Variants in PPP3CB observed in about 807,000 individuals in gnomAD.
PPP3CB encodes serine/threonine-protein phosphatase 2B catalytic subunit beta isoform.
Under a neutral mutation model 66.4 loss-of-function variants are expected in PPP3CB, and 8 were observed. The ratio of observed to expected loss-of-function variants is 0.12; its 90% CI spans 0.07 to 0.22. The LOEUF (loss-of-function observed/expected upper bound fraction) is 0.22, where lower values mean the gene tolerates loss of function less well. Among genes scored for constraint, PPP3CB ranks in the 10% least tolerant of loss-of-function variants. The probability of loss-of-function intolerance (pLI) is 1.00; values close to 1 mark genes in which losing one functional copy is unlikely to be tolerated. For synonymous variants in PPP3CB, 208 were observed against 221.2 expected (o/e 0.94, Z 0.53); for missense variants, 319 against 642.5 (o/e 0.50, Z 5.44).
At chr10:73,471,747 A>T in intron 4 of PPP3CB, 134 bp from the exon 5 acceptor site, 1 of 692,188 alleles carries the variant, frequency 1.4e-6, no homozygotes, top group Non-Finnish European at 2.3e-6. Context: ...AATGAAATTG[A>T]GATAGTTACA....
At position 73,439,915 on chromosome 10, in the gene PPP3CB, A is replaced by G. The variant is rs767386527; in HGVS notation, c.1367-14T>C. On this transcript the variant is annotated splice_polypyrimidine_tract_variant and intron_variant, in intron 12 of 13. Transcript: ENST00000360663. ...CCTCAACTGTGGCTGTACAGAAGTG[A>G]GCAGAGGCATGCAAAATGAATGAGA... 2 of 1,612,286 alleles carry G rather than the reference A, an allele frequency of 1.2e-6. No individual in the cohort carries two copies. The highest frequency in any genetic ancestry group is 8.5e-7 in the Non-Finnish European group (1 of 1,178,406).
chr10:73,443,951 C>T (rs1292331709), intron 12 of PPP3CB: 2 of 152,240 alleles, frequency 1.3e-5, no homozygotes, highest in African/African-American at 4.8e-5. Flanking sequence ...GCAACAAATG[C>T]AGCAAACCTC....
intron 1 of PPP3CB, among the ~76,000 whole-genome samples, chr10:73,483,030 C>T (rs2056907930): frequency 6.6e-6 from 1 of 152,174 alleles, no homozygotes; most frequent in Non-Finnish European, 1.5e-5. Context: ...CCTACTTCCC[C>T]CTCAGCCAGA....
chr10:73,445,983 G>T (rs529278831), intron 11 of PPP3CB, among the ~76,000 whole-genome samples: 1 of 151,774 alleles, frequency 6.6e-6, no homozygotes, highest in Non-Finnish European at 1.5e-5. Context: ...TCTTGACCTC[G>T]TGATCCACCT....
At chr10:73,485,182 G>A (rs1176466744) in intron 1 of PPP3CB, among the ~76,000 whole-genome samples, 1 of 152,170 alleles carries the variant, frequency 6.6e-6, no homozygotes, top group Non-Finnish European at 1.5e-5. Flanking sequence ...ATTTTGACAT[G>A]AAGGGCATCT....
At chr10:73,477,355 T>G (rs2056807593) in intron 3 of PPP3CB, 1 of 442,472 alleles carries the variant, frequency 2.3e-6, no homozygotes, top group Non-Finnish European at 4.3e-6. Context: ...AAGCATCATT[T>G]GTAAAGAAAA....
chr10:73,474,105 C>T (rs1484322668), intron 4 of PPP3CB, among the ~76,000 whole-genome samples: 2 of 151,980 alleles, frequency 1.3e-5, no homozygotes, highest in East Asian at 1.9e-4. Flanking sequence ...TACAATGGCG[C>T]GATCTCGGCT....
At chr10:73,453,581 A>G (rs138732728) in intron 10 of PPP3CB, among the ~76,000 whole-genome samples, 36 of 152,294 alleles carry the variant, frequency 2.4e-4, no homozygotes, top group African/African-American at 7.9e-4. Context: ...TAGTTTATCA[A>G]TGGACTTAGA....
intron 8 of PPP3CB, among the ~76,000 whole-genome samples, chr10:73,470,291 A>C (rs759535361): frequency 6.6e-6 from 1 of 152,208 alleles, no homozygotes; most frequent in Non-Finnish European, 1.5e-5. Context: ...AGTGAACATA[A>C]AACAAGAAAC....
chr10:73,438,283 C>A lies in PPP3CB; in HGVS notation c.1534G>T (p.Ala512Ser). ...TTGCCCGTCCCGTGGTTCTCAGTGGCATGTGCGGTGTTCAGAGAATTGAAA... is the reference window on the plus strand; with the variant it reads ...TTGCCCGTCCCGTGGTTCTCAGTGGAATGTGCGGTGTTCAGAGAATTGAAA... ...DGFNSLNTAH[A>S]TENHGTGNHT... The change falls in exon 14 of 14, where the codon GCC (alanine) becomes TCC (serine). Residue 512 changes from alanine (A) to serine (S), a missense_variant. Coordinates refer to ENST00000360663, the MANE Select transcript of PPP3CB (RefSeq NM_021132.4). 6.2e-7 allele frequency: 1 copy of A among 1,614,128 alleles called. No homozygotes were observed. Among genetic ancestry groups the A allele is most frequent in the South Asian group, 1.1e-5 (1 of 91,072 alleles).
At chr10:73,452,305 G>A (rs538330652) in intron 10 of PPP3CB, among the ~76,000 whole-genome samples, 8 of 152,192 alleles carry the variant, frequency 5.3e-5, no homozygotes, top group Non-Finnish European at 7.4e-5. Context: ...TAAGTAAGTC[G>A]TCTGATGCCA....
intron 9 of PPP3CB, among the ~76,000 whole-genome samples, chr10:73,461,822 G>T (rs1361102524): frequency 1.3e-5 from 2 of 152,160 alleles, no homozygotes; most frequent in African/African-American, 2.4e-5. Context: ...ATCTCATGTT[G>T]AATTGTAATC....
chr10:73,440,376 C>T (rs2056124466), intron 12 of PPP3CB, among the ~76,000 whole-genome samples: 1 of 152,144 alleles, frequency 6.6e-6, no homozygotes, highest in African/African-American at 2.4e-5. Flanking sequence ...CCAGTTGGTT[C>T]CCTAAGACAT....
chr10:73,439,961 G>A (rs1168564448), intron 12 of PPP3CB, 60 bp from the exon 13 acceptor site: 1 of 1,502,296 alleles, frequency 6.7e-7, no homozygotes, highest in African/African-American at 1.4e-5. Flanking sequence ...GGGTCATATT[G>A]TACAGCAGAA....
At chr10:73,483,210 T>C (rs966919804) in intron 1 of PPP3CB, among the ~76,000 whole-genome samples, 1 of 152,228 alleles carries the variant, frequency 6.6e-6, no homozygotes, top group Non-Finnish European at 1.5e-5. Context: ...AAGGCACACT[T>C]CTACATTTCA....
chr10:73,491,034 T>G (rs1284552638), intron 1 of PPP3CB, among the ~76,000 whole-genome samples: 4 of 119,766 alleles, frequency 3.3e-5, no homozygotes, highest in African/African-American at 8.0e-5. Context: ...TTTTTTTTTT[T>G]TTTTTTTTTT....
At chr10:73,477,085 C>T (rs2056802154) in intron 3 of PPP3CB, 1 of 500,378 alleles carries the variant, frequency 2.0e-6, no homozygotes, top group Middle Eastern at 4.6e-4. Flanking sequence ...CTAATAATAC[C>T]TTGGGCAAGT....
At chr10:73,441,010 T>C (rs556112032) in intron 12 of PPP3CB, among the ~76,000 whole-genome samples, 5 of 152,328 alleles carry the variant, frequency 3.3e-5, no homozygotes, top group African/African-American at 1.2e-4. Context: ...TCCATTCCCC[T>C]TATTACTCAG....
intron 4 of PPP3CB, among the ~76,000 whole-genome samples, chr10:73,473,971 A>C (rs1201116118): frequency 1.3e-5 from 2 of 152,212 alleles, no homozygotes; most frequent in African/African-American, 4.8e-5. Context: ...TCAAGATTGA[A>C]GGACAAAAAT....
Sources: allele counts gnomAD v4.1 joint callset (sites outside exome capture counted in the v4.1 genomes callset), GRCh38; gene constraint gnomAD v4.1.1; transcripts MANE v1.5; gene names NCBI Gene and HGNC (gene_info 2026-07-23, HGNC 2026-07-21).